CRPPA: variants seen among roughly 807,000 people sequenced by gnomAD.
The protein encoded by CRPPA is D-ribitol-5-phosphate cytidylyltransferase.
CRPPA carries 43 observed loss-of-function variants against 52.0 expected under a neutral mutation model. The observed-to-expected ratio is 0.83, with a 90% CI of 0.65 to 1.07. The LOEUF is 1.07. Among genes scored for constraint, CRPPA ranks in the 50% least tolerant of loss-of-function variants. The pLI is 0.00. For synonymous variants in CRPPA, 250 were observed against 203.5 expected (o/e 1.23, Z -1.94); for missense variants, 629 against 551.7 (o/e 1.14, Z -1.40).
At chr7:16,397,919 C>G (rs563870990) in intron 2 of CRPPA, among the ~76,000 whole-genome samples, 11 of 152,340 alleles carry the variant, frequency 7.2e-5, no homozygotes, top group African/African-American at 2.4e-4. Flanking sequence ...GTGACCAACA[C>G]AACTGGCAGG....
chr7:16,380,873 TTC>T (rs1423309622), intron 2 of CRPPA, among the ~76,000 whole-genome samples: 1 of 152,096 alleles, frequency 6.6e-6, no homozygotes, highest in Non-Finnish European at 1.5e-5. Flanking sequence ...TATTTGATTC[TTC>T]TCTCTTTTCT....
chr7:16,193,272 T>C (rs1358981500), intron 9 of CRPPA, among the ~76,000 whole-genome samples: 1 of 152,134 alleles, frequency 6.6e-6, no homozygotes, highest in Non-Finnish European at 1.5e-5. Context: ...TATATTCCTC[T>C]TTTATGTTTT....
chr7:16,253,813 G>A (rs931993719), intron 8 of CRPPA, among the ~76,000 whole-genome samples: 23 of 152,046 alleles, frequency 1.5e-4, no homozygotes, highest in Non-Finnish European at 2.9e-4. Context: ...CTACAGAACG[G>A]GAGAAAATTT....
chr7:16,419,048 C>G (rs1788263165), intron 1 of CRPPA, among the ~76,000 whole-genome samples: 1 of 152,308 alleles, frequency 6.6e-6, no homozygotes, highest in Middle Eastern at 3.4e-3. Flanking sequence ...ATGTTCATGG[C>G]ACTGGAATAT....
intron 8 of CRPPA, among the ~76,000 whole-genome samples, chr7:16,252,524 T>C (rs1474491051): frequency 1.3e-5 from 2 of 152,176 alleles, no homozygotes; most frequent in African/African-American, 4.8e-5. Flanking sequence ...TTATTGAGGA[T>C]TTTTGCATCG....
intron 9 of CRPPA, among the ~76,000 whole-genome samples, chr7:16,202,841 C>T (rs11978237): frequency 6.6e-6 from 1 of 152,174 alleles, no homozygotes; most frequent in East Asian, 1.9e-4. Flanking sequence ...TAGTAGTTCT[C>T]AGCCCAATCC....
chr7:16,153,593 C>T (rs879542872), intron 9 of CRPPA, among the ~76,000 whole-genome samples: 1 of 152,126 alleles, frequency 6.6e-6, no homozygotes, highest in Admixed American at 6.5e-5. Context: ...TAAATATCTA[C>T]CAAGTCCTAT....
intron 8 of CRPPA, among the ~76,000 whole-genome samples, chr7:16,252,340 C>G (rs552402950): frequency 6.6e-6 from 1 of 152,124 alleles, no homozygotes; most frequent in African/African-American, 2.4e-5. Flanking sequence ...AGGCCTTTGA[C>G]AAAATTCACA....
intron 9 of CRPPA, among the ~76,000 whole-genome samples, chr7:16,199,108 C>A (rs1447531512): frequency 6.6e-6 from 1 of 152,164 alleles, no homozygotes; most frequent in Non-Finnish European, 1.5e-5. Flanking sequence ...ACTTCCAATA[C>A]ATTGAGAAGC....
intron 9 of CRPPA, among the ~76,000 whole-genome samples, chr7:16,092,534 G>T (rs2128361314): frequency 6.6e-6 from 1 of 152,080 alleles, no homozygotes; most frequent in Middle Eastern, 3.4e-3. Flanking sequence ...ATTGTTTCTT[G>T]CATCCATATA....
chr7:16,093,516 G>A (rs1340334135), intron 9 of CRPPA, among the ~76,000 whole-genome samples: 1 of 152,098 alleles, frequency 6.6e-6, no homozygotes, highest in Non-Finnish European at 1.5e-5. Flanking sequence ...TTCCTTGATT[G>A]TGTTCTGAGG....
chr7:16,300,486 C>T (rs755660558), intron 5 of CRPPA, among the ~76,000 whole-genome samples: 4 of 152,114 alleles, frequency 2.6e-5, no homozygotes, highest in South Asian at 2.1e-4. Flanking sequence ...TGAACATCTC[C>T]GATTTTGCTA....
chr7:16,214,037 G>T lies in CRPPA; in HGVS notation c.1251+2029C>A, dbSNP rs145080453. ...GAAAACTTTATACTACGTATAAATG[G>T]CCAAGCCAATAATATAATCCATAAG... On this transcript the variant is annotated intron_variant, in intron 9 of 9. Transcript: ENST00000407010. 3.1e-3 allele frequency among the ~76,000 whole-genome samples: 470 copies of T among 152,144 alleles called. 3 individuals carry two copies. The highest frequency in any genetic ancestry group is 5.0e-3 in the Non-Finnish European group (337 of 68,002).
chr7:16,185,387 C>A (rs1233539476), intron 9 of CRPPA, among the ~76,000 whole-genome samples: 1 of 152,134 alleles, frequency 6.6e-6, no homozygotes, highest in Non-Finnish European at 1.5e-5. Context: ...ATGGGAGCTA[C>A]AATTCAAGAT....
intron 3 of CRPPA, among the ~76,000 whole-genome samples, chr7:16,349,346 C>A (rs1037846002): frequency 6.6e-6 from 1 of 152,060 alleles, no homozygotes; most frequent in Non-Finnish European, 1.5e-5. Flanking sequence ...ATTAGTCTGA[C>A]AAGACAGGCA....
chr7:16,276,038 G>A (rs1194262341), intron 6 of CRPPA, among the ~76,000 whole-genome samples: 1 of 151,616 alleles, frequency 6.6e-6, no homozygotes, highest in Non-Finnish European at 1.5e-5. Flanking sequence ...TTAGAAACAA[G>A]GCGAGAAAAT....
intron 5 of CRPPA, among the ~76,000 whole-genome samples, chr7:16,300,889 G>A (rs932193286): frequency 1.3e-4 from 20 of 152,026 alleles, no homozygotes; most frequent in African/African-American, 3.6e-4. Context: ...TCTTTGAGTC[G>A]GAGATGAAAA....
chr7:16,156,588 A>G (rs1783185686), intron 9 of CRPPA, among the ~76,000 whole-genome samples: 1 of 152,200 alleles, frequency 6.6e-6, no homozygotes, highest in African/African-American at 2.4e-5. Flanking sequence ...GAGAAAAACT[A>G]AAAGACAAGG....
chr7:16,326,733 C>G (rs1548570), intron 3 of CRPPA, among the ~76,000 whole-genome samples: 68,572 of 152,006 alleles, frequency 0.45, 15,723 homozygotes, highest in South Asian at 0.6. Flanking sequence ...TCGCCAATAA[C>G]TATAATCCTT....
Sources: gnomAD v4.1 joint callset for allele counts (sites outside exome capture counted in the v4.1 genomes callset) on GRCh38, gnomAD v4.1.1 for gene constraint, MANE v1.5 for transcripts, NCBI Gene and HGNC (gene_info 2026-07-23, HGNC 2026-07-21) for gene names.